Variants in SCG3 observed in about 807,000 individuals in gnomAD.
SCG3 encodes secretogranin III.
In SCG3, 38 loss-of-function variants were observed where a neutral mutation model predicts 56.2. The observed-to-expected ratio is 0.68, with a 90% CI of 0.52 to 0.89. The LOEUF is 0.89. Among genes scored for constraint, SCG3 ranks in the 40% least tolerant of loss-of-function variants. The pLI is 0.00. For missense variants in SCG3, 524 were observed against 540.7 expected (o/e 0.97, Z 0.31); for synonymous variants, 176 against 184.2 (o/e 0.96, Z 0.36).
Position 51,686,706 on chromosome 15 carries a change from T to C in SCG3, c.398-1554T>C, listed in dbSNP as rs577064974. Among the ~76,000 whole-genome samples the C allele has an allele frequency of 2.8e-5, 4 of 144,676 alleles. No homozygotes were observed. In the East Asian group the frequency reaches 9.2e-4, roughly 33 times the overall value. 94.9% of individuals were successfully genotyped at this position (144,676 alleles called of 152,430 possible). A position where few individuals can be genotyped will look rare whatever the true frequency, so the allele number is the denominator to read the frequency against. On this transcript the variant is annotated intron_variant, in intron 4 of 11. Coordinates refer to ENST00000220478, the MANE Select transcript of SCG3 (RefSeq NM_013243.4). ...ATGTTTGTTTGTTTGTTTGTTTGTA[T>C]GTTTGTTTGTTTGTTTTTCTTAGGG...
At chr15:51,699,546 TG>T in intron 9 of SCG3, 144 bp downstream of exon 9, 1 of 648,228 alleles carries the variant, frequency 1.5e-6, no homozygotes, top group Non-Finnish European at 2.6e-6. Flanking sequence ...ATTAATTAGA[TG>T]TGACCTTGGC....
At chr15:51,688,129 C>A in intron 4 of SCG3, 131 bp from the exon 5 acceptor site, 1 of 857,048 alleles carries the variant, frequency 1.2e-6, no homozygotes, top group Non-Finnish European at 1.6e-6. Context: ...TTTCTGTGGA[C>A]CGAGAACCAC....
At chr15:51,684,915 C>T (rs904392858) in intron 4 of SCG3, among the ~76,000 whole-genome samples, 1 of 152,184 alleles carries the variant, frequency 6.6e-6, no homozygotes, top group African/African-American at 2.4e-5. Flanking sequence ...AATGAACTGC[C>T]ATACCTAGGC....
intron 11 of SCG3, among the ~76,000 whole-genome samples, chr15:51,718,773 GAGTTTAC>G (rs2055476266): frequency 6.6e-6 from 1 of 152,022 alleles, no homozygotes; most frequent in Non-Finnish European, 1.5e-5. Flanking sequence ...GAACCAAAAA[GAGTTTAC>G]AGTTTGGCTT....
intron 8 of SCG3, among the ~76,000 whole-genome samples, chr15:51,697,568 C>A (rs775590443): frequency 6.6e-6 from 1 of 152,194 alleles, no homozygotes; most frequent in African/African-American, 2.4e-5. Flanking sequence ...GAAATGAATA[C>A]ACTCATCATT....
intron 4 of SCG3, 101 bp downstream of exon 4, chr15:51,683,535 C>A: frequency 1.4e-6 from 1 of 734,596 alleles, no homozygotes; most frequent in Non-Finnish European, 2.1e-6. Flanking sequence ...ATTCATAATC[C>A]TTTATTAGTC....
At chr15:51,688,924 C>T (rs1222589871) in intron 5 of SCG3, among the ~76,000 whole-genome samples, 7 of 152,102 alleles carry the variant, frequency 4.6e-5, no homozygotes, top group Non-Finnish European at 1.0e-4. Flanking sequence ...CTGACTATGA[C>T]CCAAAGCTGT....
At position 51,689,387 on chromosome 15, in the gene SCG3, G is replaced by T. The variant is rs1186659196; in HGVS notation, c.690+19G>T. 6.4e-7 allele frequency: 1 copy of T among 1,573,806 alleles called. No homozygotes were observed. The highest frequency in any genetic ancestry group is 1.7e-5 in the Admixed American group (1 of 57,634). On this transcript the variant is annotated intron_variant, in intron 6 of 11. Coordinates refer to ENST00000220478, the MANE Select transcript of SCG3 (RefSeq NM_013243.4). ...GAAAGTGGTATGTATGTGTATATAT[G>T]CATATGCATGGGGGTGTGTGTGTGT...
At chr15:51,695,778 C>CCAAA (rs1173289934) in intron 7 of SCG3, 97 bp from the exon 8 acceptor site, 1 of 722,246 alleles carries the variant, frequency 1.4e-6, no homozygotes, top group East Asian at 2.7e-5. Flanking sequence ...AAAAAAAAAC[C>CCAAA]CAAACAAACA....
intron 8 of SCG3, among the ~76,000 whole-genome samples, chr15:51,696,194 T>G (rs2055302659): frequency 6.6e-6 from 1 of 152,220 alleles, no homozygotes; most frequent in African/African-American, 2.4e-5. Context: ...GTACAAATAT[T>G]TCACATTTAT....
chr15:51,699,607 A>C (rs1261986932), intron 9 of SCG3, among the ~76,000 whole-genome samples: 2 of 152,226 alleles, frequency 1.3e-5, no homozygotes, highest in African/African-American at 4.8e-5. Flanking sequence ...AAAACATTGA[A>C]AAATAATGTA....
chr15:51,706,947 C>T (rs2055380171), intron 10 of SCG3, among the ~76,000 whole-genome samples: 2 of 152,116 alleles, frequency 1.3e-5, no homozygotes, highest in South Asian at 4.1e-4. Flanking sequence ...TATGGATATG[C>T]TAATAAATTA....
chr15:51,709,355 G>T (rs1444344011), intron 10 of SCG3, among the ~76,000 whole-genome samples: 1 of 152,026 alleles, frequency 6.6e-6, no homozygotes, highest in Admixed American at 6.5e-5. Context: ...GATGAGACTT[G>T]GGTGGGGACA....
Position 51,682,545 on chromosome 15 carries a change from T to G in SCG3, c.111T>G (p.Ser37Arg). The G allele has an allele frequency of 1.4e-6, 2 of 1,448,642 alleles. No homozygotes were observed. The highest frequency in any genetic ancestry group is 1.8e-6 in the Non-Finnish European group (2 of 1,081,418). 89.7% of individuals were successfully genotyped at this position (1,448,642 alleles called of 1,614,324 possible). The change falls in exon 2 of 12, where the codon AGT becomes AGG. Residue 37 changes from serine to arginine, a missense_variant. Transcript: ENST00000220478. Reference protein sequence around the residue: ...QDKSLHNRELSAERPLNEQIA... With the variant: ...QDKSLHNRELRAERPLNEQIA... ...AATCTCTACATAATAGAGAATTAAG[T>G]GCAGAAAGACCTTTGAATGAACAGG...
chr15:51,717,456 CCCAGAAGT>C (rs2094003086), intron 11 of SCG3, among the ~76,000 whole-genome samples: 1 of 151,430 alleles, frequency 6.6e-6, no homozygotes, highest in African/African-American at 2.4e-5. Flanking sequence ...ATCACTTGAG[CCCAGAAGT>C]CCAAGGCTAC....
intron 11 of SCG3, among the ~76,000 whole-genome samples, chr15:51,717,744 C>T (rs1057369500): frequency 1.1e-4 from 16 of 152,154 alleles, no homozygotes; most frequent in African/African-American, 3.9e-4. Context: ...TTTTGTTCAC[C>T]TTCCTGTCAG....
chr15:51,691,701 T>C (rs191399207), intron 6 of SCG3, among the ~76,000 whole-genome samples: 1 of 152,284 alleles, frequency 6.6e-6, no homozygotes, highest in Admixed American at 6.5e-5. Context: ...AGACAGCACT[T>C]AAACTTTACC....
Position 51,683,260 on chromosome 15 carries a change from T to C in SCG3, c.223T>C (p.Leu75=). 6.2e-7 allele frequency: 1 copy of C among 1,613,910 alleles called. No individual in the cohort carries two copies. Among genetic ancestry groups the C allele is most frequent in the East Asian group, 2.2e-5 (1 of 44,832 alleles). The change falls in exon 4 of 12, where the codon TTG becomes CTG. Residue 75 remains leucine (L), a synonymous_variant. Transcript: ENST00000220478. ...GAGCAACTATTCTTTTGTTGATAAC[T>C]TGAACCTGCTAAAGGCAATAACAGA... is the stretch of plus-strand genomic sequence containing the variant. The part of the protein sequence containing the change: ...GQSNYSFVDN[L]NLLKAITEKE...
chr15:51,683,012 G>T (rs2055204481), intron 2 of SCG3, 67 bp from the exon 3 acceptor site: 1 of 1,231,456 alleles, frequency 8.1e-7, no homozygotes, highest in African/African-American at 1.5e-5. Flanking sequence ...AAATCATTTG[G>T]CTCTTGTACT....
Sources: allele counts gnomAD v4.1 joint callset (sites outside exome capture counted in the v4.1 genomes callset), GRCh38; gene constraint gnomAD v4.1.1; transcripts MANE v1.5; gene names NCBI Gene and HGNC (gene_info 2026-07-23, HGNC 2026-07-21).